The following BBS9 variants were observed in gnomAD, a reference collection of about 807,000 sequenced individuals.
BBS9 encodes the protein protein PTHB1.
In BBS9, 89 loss-of-function variants were observed where a neutral mutation model predicts 117.7. The ratio of observed to expected loss-of-function variants is 0.76; its 90% CI spans 0.64 to 0.90. The LOEUF is 0.90. Ranked by LOEUF, BBS9 falls within the 40% of genes least tolerant of loss-of-function variation. BBS9 has a pLI of 0.00. For synonymous variants in BBS9, 379 were observed against 370.9 expected, an observed-to-expected ratio of 1.02 and a Z score of -0.25; for missense variants, 982 against 1,042.2, an observed-to-expected ratio of 0.94 and a Z score of 0.80.
At position 33,534,029 on chromosome 7, in the gene BBS9, G is replaced by A. The variant is rs748137047; in HGVS notation, c.2374G>A (p.Ala792Thr). Residue 792 changes from alanine to threonine, a missense_variant, in exon 21 of 23, where the codon GCT becomes ACT. Coordinates refer to ENST00000242067, the MANE Select transcript of BBS9 (RefSeq NM_198428.3). ...CCTGTCGAAGAGTTCTAAGGAGCAG[G>A]CTTTGAACCTCAACAGCCAGCTGAA... ...TCLSKSSKEQ[A>T]LNLNSQLNIP... 4 of 1,614,084 alleles carry A rather than the reference G, an allele frequency of 2.5e-6. No homozygotes were observed. The highest frequency in any genetic ancestry group is 2.5e-6 in the Non-Finnish European group (3 of 1,180,052).
At chr7:33,380,228 GGTCATCAT>G (rs1237457047) in intron 17 of BBS9, 2 of 180,352 alleles carry the variant, frequency 1.1e-5, no homozygotes, top group Non-Finnish European at 2.3e-5. Flanking sequence ...TGAAGACACT[GGTCATCAT>G]GTCCACACCA....
chr7:33,477,776 G>A (rs1842001297), intron 19 of BBS9, among the ~76,000 whole-genome samples: 1 of 152,196 alleles, frequency 6.6e-6, no homozygotes, highest in Non-Finnish European at 1.5e-5. Context: ...TCATGGAATA[G>A]ACGCAGTGAG....
chr7:33,329,644 G>A (rs1274723167), intron 9 of BBS9, among the ~76,000 whole-genome samples: 1 of 151,992 alleles, frequency 6.6e-6, no homozygotes, highest in Non-Finnish European at 1.5e-5. Context: ...GTAGATTACT[G>A]CATAAAAGAC....
intron 21 of BBS9, among the ~76,000 whole-genome samples, chr7:33,616,992 G>C (rs1865171007): frequency 6.6e-6 from 1 of 151,934 alleles, no homozygotes; most frequent in Non-Finnish European, 1.5e-5. Flanking sequence ...TATATCACTT[G>C]AGATAATGGC....
intron 5 of BBS9, among the ~76,000 whole-genome samples, chr7:33,236,957 A>G (rs1266339523): frequency 3.3e-5 from 5 of 152,138 alleles, no homozygotes; most frequent in Non-Finnish European, 5.9e-5. Context: ...ACATGCATAC[A>G]CATTATAATT....
Position 33,369,170 on chromosome 7 carries a change from C to G in BBS9, c.1789+1308C>G, listed in dbSNP as rs188461217. 1.6e-4 allele frequency among the ~76,000 whole-genome samples: 25 copies of G among 152,164 alleles called. No homozygotes were observed. In the East Asian group the frequency reaches 4.8e-3, roughly 29 times the overall value. On this transcript the variant is annotated intron_variant, in intron 17 of 22. Transcript: ENST00000242067. ...TTAATCTCCAGTTGGATGGTAGAAC[C>G]ATTTTGGTGCATTTCTCTTAGTTTA...
intron 5 of BBS9, among the ~76,000 whole-genome samples, chr7:33,218,886 C>A: frequency 6.6e-6 from 1 of 152,346 alleles, no homozygotes; most frequent in Middle Eastern, 3.4e-3. Context: ...ACTTGAGGAG[C>A]CCTTCAGCCC....
chr7:33,296,947 T>A (rs1805400485), intron 9 of BBS9, among the ~76,000 whole-genome samples: 1 of 152,148 alleles, frequency 6.6e-6, no homozygotes, highest in Non-Finnish European at 1.5e-5. Context: ...CAAAGGAAAG[T>A]TTTTGTCTTT....
chr7:33,291,576 C>A (rs942264891), intron 9 of BBS9, among the ~76,000 whole-genome samples: 1 of 151,960 alleles, frequency 6.6e-6, no homozygotes, highest in African/African-American at 2.4e-5. Context: ...TGTTACTTTA[C>A]GTTTAGAATA....
At chr7:33,408,460 A>G (rs914942556) in intron 19 of BBS9, among the ~76,000 whole-genome samples, 22 of 151,990 alleles carry the variant, frequency 1.4e-4, no homozygotes, top group Admixed American at 6.6e-4. Context: ...TGCGCCCACT[A>G]TCTGGCACTC....
intron 4 of BBS9, among the ~76,000 whole-genome samples, chr7:33,165,607 T>C (rs1281981333): frequency 2.0e-5 from 3 of 152,154 alleles, no homozygotes; most frequent in Non-Finnish European, 4.4e-5. Context: ...ATAGCCTTTC[T>C]TCCACTTGAT....
At chr7:33,304,608 GC>G (rs1401535803) in intron 9 of BBS9, among the ~76,000 whole-genome samples, 1 of 152,204 alleles carries the variant, frequency 6.6e-6, no homozygotes, top group Non-Finnish European at 1.5e-5. Flanking sequence ...TGAAGTGACA[GC>G]CTTTCTGCAG....
intron 19 of BBS9, among the ~76,000 whole-genome samples, chr7:33,470,179 T>C (rs1840786110): frequency 1.3e-5 from 2 of 152,208 alleles, no homozygotes; most frequent in Admixed American, 1.3e-4. Flanking sequence ...ACTGTGGTAC[T>C]ACTTTGCCTT....
At chr7:33,436,386 A>C (rs1422332715) in intron 19 of BBS9, among the ~76,000 whole-genome samples, 1 of 152,200 alleles carries the variant, frequency 6.6e-6, no homozygotes, top group Non-Finnish European at 1.5e-5. Context: ...GATTAATGTA[A>C]TAGCCCCTTG....
intron 19 of BBS9, among the ~76,000 whole-genome samples, chr7:33,420,533 G>A (rs930585574): frequency 2.0e-5 from 3 of 152,164 alleles, no homozygotes; most frequent in Non-Finnish European, 4.4e-5. Context: ...AATCCATGCT[G>A]AAGCCATGCA....
Position 33,264,374 on chromosome 7 carries a change from T to C in BBS9, c.702T>C (p.Val234=). The part of the protein sequence containing the change: ...QQKLGSGKRL[V]VDWTLNIGEQ... ...AACTTGGTTCTGGAAAAAGACTAGT[T>C]GTAAGGCCTTTTTTTAATATATAAA... is the stretch of plus-strand genomic sequence containing the variant. Residue 234 remains valine (V), a splice_region_variant and synonymous_variant, in exon 7 of 23, where the codon GTT becomes GTC. Coordinates refer to ENST00000242067, the MANE Select transcript of BBS9 (RefSeq NM_198428.3). 2 of 1,564,064 alleles carry C rather than the reference T, an allele frequency of 1.3e-6. No individual in the cohort carries two copies. The highest frequency in any genetic ancestry group is 1.7e-6 in the Non-Finnish European group (2 of 1,148,400).
At chr7:33,338,032 A>G (rs1393347469) in intron 10 of BBS9, among the ~76,000 whole-genome samples, 1 of 152,066 alleles carries the variant, frequency 6.6e-6, no homozygotes, top group African/African-American at 2.4e-5. Flanking sequence ...GAGAAAGTTT[A>G]GGCTGTTTTA....
At chr7:33,169,597 C>T (rs1357095769) in intron 4 of BBS9, among the ~76,000 whole-genome samples, 1 of 149,806 alleles carries the variant, frequency 6.7e-6, no homozygotes, top group Non-Finnish European at 1.5e-5. Flanking sequence ...TTTTTGGCTG[C>T]ATAAATGTCT....
At chr7:33,409,602 G>T (rs554321095) in intron 19 of BBS9, among the ~76,000 whole-genome samples, 2 of 152,112 alleles carry the variant, frequency 1.3e-5, no homozygotes, top group East Asian at 3.9e-4. Context: ...CCTCCAGGTT[G>T]CCCTATTTTA....
Sources: gnomAD v4.1 joint callset for allele counts (sites outside exome capture counted in the v4.1 genomes callset) on GRCh38, gnomAD v4.1.1 for gene constraint, MANE v1.5 for transcripts, NCBI Gene and HGNC (gene_info 2026-07-23, HGNC 2026-07-21) for gene names.